Variants in CNTN4 observed in about 807,000 individuals in gnomAD.
CNTN4 encodes the protein contactin 4, also known as contactin-4.
CNTN4 carries 77 observed loss-of-function variants against 122.5 expected under a neutral mutation model. The observed-to-expected ratio is 0.63, with a 90% confidence interval of 0.52 to 0.76. The LOEUF (loss-of-function observed/expected upper bound fraction) is 0.76, where lower values mean the gene tolerates loss of function less well. CNTN4 is among the 30% of genes least tolerant of loss of function. The pLI, the probability that CNTN4 is intolerant of heterozygous loss-of-function variation, is 0.00. For synonymous variants in CNTN4, 512 were observed against 447.0 expected, an observed-to-expected ratio of 1.15 and a Z score of -1.83; for missense variants, 1,256 against 1,259.1, an observed-to-expected ratio of 1.00 and a Z score of 0.04.
chr3:2,967,697 G>A (rs2125066242), intron 13 of CNTN4, among the ~76,000 whole-genome samples: 1 of 152,048 alleles, frequency 6.6e-6, no homozygotes, highest in Non-Finnish European at 1.5e-5. Flanking sequence ...ATTTTTCAGA[G>A]GAAAAAACTA....
chr3:2,770,724 A>G (rs7630808), intron 6 of CNTN4, among the ~76,000 whole-genome samples: 15,850 of 152,250 alleles, frequency 0.1, 879 homozygotes, highest in African/African-American at 0.14. Flanking sequence ...GTGGCTAAGA[A>G]CTGCTGTTTG....
chr3:3,007,032 C>G (rs1574799183), intron 14 of CNTN4, among the ~76,000 whole-genome samples: 1 of 152,232 alleles, frequency 6.6e-6, no homozygotes, highest in South Asian at 2.1e-4. Flanking sequence ...TGAAAACATA[C>G]CAAATCCCAG....
chr3:2,290,453 T>A lies in CNTN4; in HGVS notation c.-144-48725T>A, dbSNP rs866784291. On this transcript the variant is annotated intron_variant, in intron 2 of 24. Coordinates refer to ENST00000418658, the MANE Select transcript of CNTN4 (RefSeq NM_175607.3). ...CCTGTTAATGAAGTACTTAGTAAGG[T>A]CTGTGGTTGCAGTTACAGGGGAAAA... Among the ~76,000 whole-genome samples the A allele has an allele frequency of 4.6e-5, 7 of 152,162 alleles. No individual in the cohort carries two copies. The South Asian group carries it at 1.0e-3, about 23-fold the overall frequency.
chr3:2,104,264 A>T (rs1403706555), intron 2 of CNTN4, among the ~76,000 whole-genome samples: 2 of 149,796 alleles, frequency 1.3e-5, no homozygotes, highest in African/African-American at 4.9e-5. Flanking sequence ...GTGCGTTTCA[A>T]GTCCCTTCTT....
intron 2 of CNTN4, among the ~76,000 whole-genome samples, chr3:2,104,517 T>A (rs2032273608): frequency 6.6e-6 from 1 of 152,180 alleles, no homozygotes; most frequent in Admixed American, 6.5e-5. Flanking sequence ...GTTTTATGGC[T>A]TTGTTCATCT....
At chr3:2,768,321 T>C (rs1049935412) in intron 6 of CNTN4, among the ~76,000 whole-genome samples, 2 of 152,224 alleles carry the variant, frequency 1.3e-5, no homozygotes, top group East Asian at 1.9e-4. Context: ...GGAAATCTTA[T>C]CTTGGATAAT....
chr3:2,171,501 T>G (rs570595876), intron 2 of CNTN4, among the ~76,000 whole-genome samples: 1 of 152,320 alleles, frequency 6.6e-6, no homozygotes, highest in Non-Finnish European at 1.5e-5. Flanking sequence ...TTATATATTC[T>G]GAAATATTTG....
At chr3:2,776,467 A>T (rs2091322358) in intron 6 of CNTN4, among the ~76,000 whole-genome samples, 1 of 152,156 alleles carries the variant, frequency 6.6e-6, no homozygotes, top group African/African-American at 2.4e-5. Context: ...TAGGAAATTA[A>T]TCTATAACAG....
Position 2,700,865 on chromosome 3 carries a change from C to T in CNTN4, c.56-35350C>T, listed in dbSNP as rs114849460. Among the ~76,000 whole-genome samples the T allele has an allele frequency of 8.6e-3, 1,306 of 152,258 alleles. 13 individuals are homozygous for T. The highest frequency in any genetic ancestry group is 0.014 in the Middle Eastern group (4 of 294). On this transcript the variant is annotated intron_variant, in intron 4 of 24. Transcript: ENST00000418658. ...AGAATGCAATAAGAATTATTTTCAC[C>T]TATGCACCTGAACGAACATGTTTTG...
chr3:2,274,822 A>G (rs2041438471), intron 2 of CNTN4, among the ~76,000 whole-genome samples: 1 of 152,118 alleles, frequency 6.6e-6, no homozygotes, highest in African/African-American at 2.4e-5. Context: ...AGTGTCCACA[A>G]CCCATGTCCC....
intron 2 of CNTN4, among the ~76,000 whole-genome samples, chr3:2,257,567 C>A (rs1199067716): frequency 6.6e-6 from 1 of 152,060 alleles, no homozygotes; most frequent in South Asian, 2.1e-4. Context: ...CCAGAATCTA[C>A]AAAGAACTTA....
chr3:2,379,046 G>A (rs147622248), intron 3 of CNTN4, among the ~76,000 whole-genome samples: 79 of 152,192 alleles, frequency 5.2e-4, no homozygotes, highest in African/African-American at 1.9e-3. Context: ...CAATGCTCGT[G>A]TCTCTTGTAT....
rs1416541180 is a variant in CNTN4, at chr3:2,572,114, G to A, written c.55+556G>A. ...TTGGAAAGTTCAAACATGGCTGGGC[G>A]CAGTGGCTCACACCATTAATCCCAG... is the stretch of plus-strand genomic sequence containing the variant. On this transcript the variant is annotated intron_variant, in intron 4 of 24. Transcript: ENST00000418658. 3.9e-5 allele frequency among the ~76,000 whole-genome samples: 6 copies of A among 152,158 alleles called. No individual in the cohort carries two copies. In the South Asian group the frequency reaches 6.2e-4, roughly 16 times the overall value.
At chr3:2,532,317 A>G (rs2077626316) in intron 3 of CNTN4, among the ~76,000 whole-genome samples, 1 of 152,136 alleles carries the variant, frequency 6.6e-6, no homozygotes, top group African/African-American at 2.4e-5. Flanking sequence ...GCAGTGGTGC[A>G]ATCATGGCTA....
intron 10 of CNTN4, among the ~76,000 whole-genome samples, chr3:2,888,517 C>G (rs929078058): frequency 1.3e-5 from 2 of 152,180 alleles, no homozygotes; most frequent in East Asian, 3.9e-4. Context: ...CATCACAGGG[C>G]CAAAACCTCC....
chr3:2,548,867 A>G (rs142006090), intron 3 of CNTN4, among the ~76,000 whole-genome samples: 2 of 152,202 alleles, frequency 1.3e-5, no homozygotes, highest in African/African-American at 4.8e-5. Context: ...AGCGGTTTGT[A>G]GTTCTCCTTG....
chr3:2,398,369 G>A (rs2046716608), intron 3 of CNTN4, among the ~76,000 whole-genome samples: 1 of 151,922 alleles, frequency 6.6e-6, no homozygotes, highest in South Asian at 2.1e-4. Context: ...CAAATTAGGG[G>A]CAAATATTCA....
At chr3:2,875,734 G>A (rs2093836484) in intron 8 of CNTN4, among the ~76,000 whole-genome samples, 1 of 152,114 alleles carries the variant, frequency 6.6e-6, no homozygotes, top group African/African-American at 2.4e-5. Context: ...TGTTATTTGT[G>A]GCTCCAAAGA....
At chr3:2,670,658 C>T (rs1363058988) in intron 4 of CNTN4, among the ~76,000 whole-genome samples, 1 of 152,092 alleles carries the variant, frequency 6.6e-6, no homozygotes, top group Non-Finnish European at 1.5e-5. Context: ...GGTTAGTTTG[C>T]TCAGTAGTTG....
Sources: allele counts gnomAD v4.1 joint callset (sites outside exome capture counted in the v4.1 genomes callset), GRCh38; gene constraint gnomAD v4.1.1; transcripts MANE v1.5; gene names NCBI Gene and HGNC (gene_info 2026-07-23, HGNC 2026-07-21).